The following ZBTB10 variants were observed in gnomAD, a reference collection of about 807,000 sequenced individuals.
The protein encoded by ZBTB10 is zinc finger and BTB domain containing 10.
In ZBTB10, 32 loss-of-function variants were observed where a neutral mutation model predicts 76.4. The observed-to-expected ratio is 0.42, with a 90% CI of 0.32 to 0.56. ZBTB10 has a LOEUF of 0.56. ZBTB10 is among the 20% of genes least tolerant of loss of function. ZBTB10 has a pLI of 0.14. For missense variants in ZBTB10, 1,057 were observed against 1,098.5 expected, an observed-to-expected ratio of 0.96 and a Z score of 0.53; for synonymous variants, 523 against 432.9, an observed-to-expected ratio of 1.21 and a Z score of -2.58.
intron 1 of ZBTB10, among the ~76,000 whole-genome samples, chr8:80,499,209 A>G (rs145077877): frequency 6.4e-4 from 98 of 152,278 alleles, no homozygotes; most frequent in Middle Eastern, 3.4e-3. Context: ...TTTAATTTTA[A>G]GAAATTCTCA....
At chr8:80,501,549 G>A (rs1039921730) in intron 2 of ZBTB10, among the ~76,000 whole-genome samples, 2 of 152,170 alleles carry the variant, frequency 1.3e-5, no homozygotes, top group African/African-American at 4.8e-5. Context: ...TGAGGATGGA[G>A]TATTTTCTGT....
At chr8:80,495,281 T>C (rs1240620620) in intron 1 of ZBTB10, among the ~76,000 whole-genome samples, 1 of 152,160 alleles carries the variant, frequency 6.6e-6, no homozygotes, top group Non-Finnish European at 1.5e-5. Flanking sequence ...ACCTCTGAAA[T>C]GTGCCCAAGT....
At position 80,520,411 on chromosome 8, in the gene ZBTB10, T is replaced by G. The variant is rs1396954956; in HGVS notation, c.*883T>G. 6.6e-6 allele frequency: 1 copy of G among 152,544 alleles called. No individual in the cohort carries two copies. The highest frequency in any genetic ancestry group is 1.5e-5 in the Non-Finnish European group (1 of 67,962). The allele number at this position is 152,544 out of a possible 1,614,324, so 9.4% of individuals were successfully genotyped here. ...CTTTGGCACTATTCTTGTTTGCCTCTTTATTTTTGCCAGTGTACTATACCT... is the reference window on the plus strand; with the variant it reads ...CTTTGGCACTATTCTTGTTTGCCTCGTTATTTTTGCCAGTGTACTATACCT... On this transcript the variant is annotated 3_prime_UTR_variant, in exon 6 of 6. Coordinates refer to ENST00000455036, the MANE Select transcript of ZBTB10 (RefSeq NM_001105539.3).
chr8:80,493,207 G>GCGCGCGCGCGCGCGCACACACACA (rs375071529), intron 1 of ZBTB10, among the ~76,000 whole-genome samples: 1 of 125,242 alleles, frequency 8.0e-6, no homozygotes, highest in Non-Finnish European at 1.7e-5. Context: ...GCGCGCGCGC[G>GCGCGCGCGCGCGCGCACACACACA]CACACACACA....
chr8:80,519,114 G>C (rs923410593), intron 5 of ZBTB10, 109 bp from the exon 6 acceptor site: 2 of 1,408,468 alleles, frequency 1.4e-6, no homozygotes, highest in Admixed American at 2.6e-5. Flanking sequence ...TTTTTACAGA[G>C]AAACTGGTGT....
At chr8:80,492,852 A>G (rs1392026927) in intron 1 of ZBTB10, among the ~76,000 whole-genome samples, 1 of 152,082 alleles carries the variant, frequency 6.6e-6, no homozygotes, top group Non-Finnish European at 1.5e-5. Flanking sequence ...TTGAATTTTA[A>G]TTGCATTTAA....
chr8:80,486,542 GC>G lies in ZBTB10; in HGVS notation c.-268del. On this transcript the variant is annotated 5_prime_UTR_variant, in exon 1 of 6. Transcript: ENST00000455036. ...GCCCGCCCCCTTCTCCGCGCGGGAC[GC>G]TGCCCGGAGCGCGGCGGGGCGGGGG... 1.0e-6 allele frequency: 1 copy of G among 986,048 alleles called. No individual in the cohort carries two copies. The highest frequency in any genetic ancestry group is 5.2e-4 in the Middle Eastern group (1 of 1,914). 61.1% of individuals were successfully genotyped at this position (986,048 alleles called of 1,614,324 possible).
In ZBTB10 at chr8:80,486,919, G is replaced by A. The variant is rs989418043; in HGVS notation, c.109G>A (p.Ala37Thr). Residue 37 changes from alanine (A) to threonine (T), a missense_variant, in exon 1 of 6, where the codon GCT becomes ACT. Physicochemically the swap from Ala to Thr is moderately conservative, Grantham distance 58. Around this residue, in one of 5 missense-constraint regions of ZBTB10, gnomAD observed 556 missense variants for 451.7 expected, o/e 1.23. Transcript: ENST00000455036. ...CAATAACGCTGGCGGGGAGGCCTCA[G>A]CTTGGCCTCCGCAGCCCCAGCCGAG... ...TNNNAGGEASAWPPQPQPRQP... is the reference protein window; with the variant it reads ...TNNNAGGEASTWPPQPQPRQP... 2 of 1,508,688 alleles carry A rather than the reference G, an allele frequency of 1.3e-6. No individual in the cohort carries two copies. The highest frequency in any genetic ancestry group is 1.2e-5 in the South Asian group (1 of 80,722). The allele number at this position is 1,508,688 out of a possible 1,614,324, so 93.5% of individuals were successfully genotyped here. A position where few individuals can be genotyped will look rare whatever the true frequency, so the allele number is the denominator to read the frequency against.
chr8:80,501,676 A>C (rs938777647), intron 2 of ZBTB10, among the ~76,000 whole-genome samples: 1 of 151,038 alleles, frequency 6.6e-6, no homozygotes, highest in Non-Finnish European at 1.5e-5. Flanking sequence ...TTGTGTATGT[A>C]TGTGTGTGTG....
At chr8:80,507,598 A>T (rs559209490) in intron 2 of ZBTB10, among the ~76,000 whole-genome samples, 1 of 151,748 alleles carries the variant, frequency 6.6e-6, no homozygotes, top group African/African-American at 2.4e-5. Context: ...TGGGGCACAG[A>T]GCCAGACTCC....
Position 80,486,873 on chromosome 8 carries a change from T to C in ZBTB10, c.63T>C (p.Ala21=), listed in dbSNP as rs1405791951. 2 of 1,512,390 alleles carry C rather than the reference T, an allele frequency of 1.3e-6. No homozygotes were observed. The highest frequency in any genetic ancestry group is 8.8e-7 in the Non-Finnish European group (1 of 1,132,622). 93.7% of individuals were successfully genotyped at this position (1,512,390 alleles called of 1,614,324 possible). A position where few individuals can be genotyped will look rare whatever the true frequency, so the allele number is the denominator to read the frequency against. The change falls in exon 1 of 6, where the codon GCT becomes GCC. Residue 21 remains alanine, a synonymous_variant. Transcript: ENST00000455036. ...LAFRGGGLVT[A]SGGGSTNNNA... is the part of the protein sequence containing the mutation. ...TCCGAGGAGGCGGGTTGGTCACCGC[T>C]AGCGGCGGCGGCTCCACGAACAATA...
At chr8:80,493,192 AAC>A (rs1491281765) in intron 1 of ZBTB10, among the ~76,000 whole-genome samples, 368 of 117,738 alleles carry the variant, frequency 3.1e-3, no homozygotes, top group African/African-American at 0.013. Context: ...TGTGCCTCAA[AAC>A]GCGCGCGCGC....
In ZBTB10 at chr8:80,525,041, A is replaced by T. The variant is rs561429602; in HGVS notation, c.*5513A>T. The T allele has an allele frequency of 2.6e-5, 4 of 152,194 alleles. No individual in the cohort carries two copies. The highest frequency in any genetic ancestry group is 9.6e-5 in the African/African-American group (4 of 41,542). The allele number at this position is 152,194 out of a possible 1,614,324, so 9.4% of individuals were successfully genotyped here. On this transcript the variant is annotated 3_prime_UTR_variant, in exon 6 of 6. Transcript: ENST00000455036. ...GGTATGTATAAGTACTGGACGAAGG[A>T]TGTTTTGACACTAAAAAGGACATAA...
Position 80,519,423 on chromosome 8 carries a change from T to C in ZBTB10, c.2511T>C (p.Asn837=). The C allele has an allele frequency of 6.2e-7, 1 of 1,612,404 alleles. No homozygotes were observed. Among genetic ancestry groups the C allele is most frequent in the South Asian group, 1.1e-5 (1 of 90,738 alleles). Residue 837 remains asparagine (N), a synonymous_variant, in exon 6 of 6, where the codon AAT becomes AAC. Transcript: ENST00000455036. ...EFPRDEEYEE[N]EVGEADEELV... The stretch of plus-strand genomic sequence containing the variant: ...CTCGGGATGAAGAATACGAGGAGAA[T>C]GAAGTAGGAGAAGCTGATGAAGAGC...
At chr8:80,491,134 C>T (rs545651296) in intron 1 of ZBTB10, among the ~76,000 whole-genome samples, 26 of 152,200 alleles carry the variant, frequency 1.7e-4, no homozygotes, top group African/African-American at 6.0e-4. Context: ...ACTGACTCAC[C>T]CAGAGCAGCT....
In ZBTB10 at chr8:80,521,265, G is replaced by T. The variant is rs1816442890; in HGVS notation, c.*1737G>T. ...TCTATATTGTAGTTTCTACATAACT[G>T]TAAACCTGACAGATAAGAATAGTTT... On this transcript the variant is annotated 3_prime_UTR_variant, in exon 6 of 6. Transcript: ENST00000455036. 1 of 151,822 alleles carries T rather than the reference G, an allele frequency of 6.6e-6. No individual in the cohort carries two copies. The highest frequency in any genetic ancestry group is 2.1e-4 in the South Asian group (1 of 4,824). The allele number at this position is 151,822 out of a possible 1,614,324, so 9.4% of individuals were successfully genotyped here.
intron 2 of ZBTB10, among the ~76,000 whole-genome samples, chr8:80,511,438 T>C (rs1185283336): frequency 6.6e-6 from 1 of 152,172 alleles, no homozygotes; most frequent in Non-Finnish European, 1.5e-5. Flanking sequence ...ATAATGACTT[T>C]TTTAAAAAAA....
intron 2 of ZBTB10, among the ~76,000 whole-genome samples, chr8:80,509,296 A>G (rs754563198): frequency 5.3e-5 from 8 of 152,208 alleles, no homozygotes; most frequent in Non-Finnish European, 8.8e-5. Context: ...TGAAAATGAA[A>G]GTTGAGTAGA....
intron 2 of ZBTB10, among the ~76,000 whole-genome samples, chr8:80,508,735 G>A (rs73257169): frequency 0.06 from 9,147 of 152,046 alleles, 1,005 homozygotes; most frequent in African/African-American, 0.21. Flanking sequence ...GGAATAAGTG[G>A]GTCGAAGAAT....
Sources: allele counts gnomAD v4.1 joint callset (sites outside exome capture counted in the v4.1 genomes callset), GRCh38; gene constraint gnomAD v4.1.1; regional missense constraint gnomAD v4.1.1; transcripts MANE v1.5; gene names NCBI Gene and HGNC (gene_info 2026-07-23, HGNC 2026-07-21).